Variants in SERPINB12 observed in about 807,000 individuals in gnomAD.
SERPINB12 encodes the protein serpin family B member 12.
A neutral mutation model predicts 41.1 loss-of-function variants in SERPINB12; 57 were observed. That is an observed-to-expected ratio of 1.39 (90% CI 1.12 to 1.73). SERPINB12 has a LOEUF of 1.73. Among genes scored for constraint, SERPINB12 ranks in the 40% most tolerant of loss-of-function variants. The probability of loss-of-function intolerance (pLI) is 0.00; values close to 1 mark genes in which losing one functional copy is unlikely to be tolerated. For missense variants in SERPINB12, 536 were observed against 501.9 expected (o/e 1.07, Z -0.65); for synonymous variants, 180 against 181.3 (o/e 0.99, Z 0.06).
intron 4 of SERPINB12, among the ~76,000 whole-genome samples, chr18:63,559,990 G>A (rs1004362356): frequency 2.6e-5 from 4 of 152,188 alleles, no homozygotes; most frequent in East Asian, 1.9e-4. Flanking sequence ...TTTGGAGCAC[G>A]TGTGGGCTTG....
the SERPINB12 span, among the ~76,000 whole-genome samples, chr18:63,524,096 GA>G: frequency 1.3e-5 from 2 of 151,200 alleles, no homozygotes; most frequent in African/African-American, 2.4e-5. Context: ...GAAAATGGTT[GA>G]AAAAAATTCA....
chr18:63,565,902 G>A (rs755163), intron 7 of SERPINB12, among the ~76,000 whole-genome samples: 9,583 of 152,192 alleles, frequency 0.063, 346 homozygotes, highest in Middle Eastern at 0.11. Flanking sequence ...AAGTTTTTAA[G>A]TTTTCCCTTT....
chr18:63,526,982 T>A, the SERPINB12 span, among the ~76,000 whole-genome samples: 432 of 152,328 alleles, frequency 2.8e-3, no homozygotes, highest in Non-Finnish European at 5.5e-3. Flanking sequence ...GGCATATTTT[T>A]GTGTATCTAA....
chr18:63,521,739 G>A, the SERPINB12 span, among the ~76,000 whole-genome samples: 4 of 152,188 alleles, frequency 2.6e-5, no homozygotes, highest in Admixed American at 2.6e-4. Context: ...CCTCGTCCTG[G>A]TTTGGAGTCT....
At chr18:63,536,797 AAAT>A in the SERPINB12 span, among the ~76,000 whole-genome samples, 1 of 152,110 alleles carries the variant, frequency 6.6e-6, no homozygotes, top group Non-Finnish European at 1.5e-5. Context: ...TTTGTTTTAC[AAAT>A]AATAATAGTA....
chr18:63,536,410 A>T, the SERPINB12 span, among the ~76,000 whole-genome samples: 5 of 152,154 alleles, frequency 3.3e-5, no homozygotes, highest in Non-Finnish European at 7.4e-5. Flanking sequence ...ACAGAAAAAG[A>T]AATAACCTAC....
chr18:63,565,662 A>G, intron 7 of SERPINB12, 50 bp downstream of exon 7: 1 of 1,524,816 alleles, frequency 6.6e-7, no homozygotes, highest in Non-Finnish European at 8.9e-7. Context: ...ATAGATCTTT[A>G]GAGAACAACA....
At chr18:63,560,904 A>C (rs1784321682) in intron 4 of SERPINB12, among the ~76,000 whole-genome samples, 181 bp from the exon 5 acceptor site, 1 of 152,208 alleles carries the variant, frequency 6.6e-6, no homozygotes, top group Non-Finnish European at 1.5e-5. Flanking sequence ...CACTAAAAAA[A>C]CTGAAATGTC....
the SERPINB12 span, among the ~76,000 whole-genome samples, chr18:63,528,276 TA>T: frequency 6.6e-6 from 1 of 152,006 alleles, no homozygotes; most frequent in Non-Finnish European, 1.5e-5. Context: ...GTCCATTGAT[TA>T]AAAATATATA....
At chr18:63,528,264 T>A in the SERPINB12 span, among the ~76,000 whole-genome samples, 3 of 152,126 alleles carry the variant, frequency 2.0e-5, no homozygotes, top group African/African-American at 7.2e-5. Flanking sequence ...TTGGTGTAAT[T>A]TGTCCATTGA....
Position 63,566,826 on chromosome 18 carries a change from A to G in SERPINB12, c.1093A>G (p.Ile365Val), listed in dbSNP as rs766881457. The G allele has an allele frequency of 6.2e-7, 1 of 1,614,182 alleles. No homozygotes were observed. Residue 365 changes from isoleucine to valine, a missense_variant, in exon 8 of 8, where the codon ATC (isoleucine) becomes GTC (valine). Ile to Val is a conservative substitution (Grantham distance 29). Transcript: ENST00000382768. ...PSPNLYLSKI[I>V]HKTFVEVDEN... ...TCCCAATTTGTACTTGTCAAAAATT[A>G]TCCACAAAACCTTTGTGGAGGTGGA...
At chr18:63,561,530 C>G (rs1367074211) in intron 5 of SERPINB12, among the ~76,000 whole-genome samples, 2 of 152,176 alleles carry the variant, frequency 1.3e-5, no homozygotes, top group South Asian at 2.1e-4. Context: ...CCAGCAATCC[C>G]ATTACTGAGT....
At chr18:63,527,127 T>C in the SERPINB12 span, among the ~76,000 whole-genome samples, 3 of 152,356 alleles carry the variant, frequency 2.0e-5, no homozygotes, top group South Asian at 2.1e-4. Context: ...GGCTGAATTG[T>C]GCGAGACCAT....
Position 63,564,026 on chromosome 18 carries a change from T to C in SERPINB12, c.611T>C (p.Val204Ala). ...AAGGACGCTATTAATGCTGAGACTG[T>C]GCTGGTACTGGTGAATGCTGTTTAC... ...FSKDAINAET[V>A]LVLVNAVYFK... Residue 204 changes from valine to alanine, a missense_variant, in exon 6 of 8, where the codon GTG (valine) becomes GCG (alanine). By Grantham distance (64) the Val-to-Ala change is moderately conservative (BLOSUM62 0). Transcript: ENST00000382768. 1 of 1,614,104 alleles carries C rather than the reference T, an allele frequency of 6.2e-7. No homozygotes were observed. Among genetic ancestry groups the C allele is most frequent in the Non-Finnish European group, 8.5e-7 (1 of 1,179,980 alleles).
chr18:63,538,006 C>A (rs1224400208), upstream of SERPINB12, among the ~76,000 whole-genome samples: 1 of 152,024 alleles, frequency 6.6e-6, no homozygotes, highest in African/African-American at 2.4e-5. Context: ...TTATTCACTT[C>A]TAGATGCATC....
rs1910798486 is a variant in SERPINB12, at chr18:63,559,047, T to TTTCTTTC, written c.304-528_304-522dup. ...CTTTCTTTCTTTCTTTCTTTCTTTC[T>TTTCTTTC]TTCTTTCTTTCTCTCCTTCTTCTCT... is the stretch of plus-strand genomic sequence containing the variant. On this transcript the variant is annotated intron_variant, in intron 3 of 7. Transcript: ENST00000382768. Among the ~76,000 whole-genome samples the TTTCTTTC allele has an allele frequency of 2.2e-5, 2 of 92,654 alleles. 1 individual carries two copies. Among genetic ancestry groups the TTTCTTTC allele is most frequent in the South Asian group, 7.4e-4 (2 of 2,718 alleles). The allele number at this position is 92,654 out of a possible 152,430, so 60.8% of individuals were successfully genotyped here.
chr18:63,556,010 T>C (rs1397346460), intron 1 of SERPINB12, 132 bp from the exon 2 acceptor site: 5 of 669,554 alleles, frequency 7.5e-6, no homozygotes, highest in African/African-American at 7.2e-5. Flanking sequence ...ATAATGACCT[T>C]AGTTTTCCAG....
chr18:63,565,587 A>G lies in SERPINB12; in HGVS notation c.848A>G (p.Lys283Arg). The G allele has an allele frequency of 6.2e-7, 1 of 1,613,764 alleles. No individual in the cohort carries two copies. Among genetic ancestry groups the G allele is most frequent in the Non-Finnish European group, 8.5e-7 (1 of 1,179,862 alleles). ...TTCGTGCTGCTGCCATCTCACTCTA[A>G]AGATAACCTGAAGGGTCTGGAAGAG... is the stretch of plus-strand genomic sequence containing the variant. The part of the protein sequence containing the change: ...SMFVLLPSHS[K>R]DNLKGLEELE... The change falls in exon 7 of 8, where the codon AAA becomes AGA. Residue 283 changes from lysine (K) to arginine (R), a missense_variant. By Grantham distance (26) the Lys-to-Arg change is conservative. Coordinates refer to ENST00000382768, the MANE Select transcript of SERPINB12 (RefSeq NM_001307928.2).
At chr18:63,565,992 T>C (rs939290342) in intron 7 of SERPINB12, among the ~76,000 whole-genome samples, 2 of 152,172 alleles carry the variant, frequency 1.3e-5, no homozygotes, top group African/African-American at 2.4e-5. Context: ...AACTGAATAC[T>C]GTTTTGGGGA....
Sources: allele counts gnomAD v4.1 joint callset (sites outside exome capture counted in the v4.1 genomes callset), GRCh38; gene constraint gnomAD v4.1.1; transcripts MANE v1.5; gene names NCBI Gene and HGNC (gene_info 2026-07-23, HGNC 2026-07-21).